Variants in CACNA1F observed in about 807,000 individuals in gnomAD.
The protein encoded by CACNA1F is calcium voltage-gated channel subunit alpha1 F.
CACNA1F carries 59 observed loss-of-function variants against 143.8 expected under a neutral mutation model. The observed-to-expected ratio is 0.41, with a 90% CI of 0.33 to 0.51. CACNA1F has a LOEUF of 0.51. CACNA1F is among the 20% of genes least tolerant of loss of function. CACNA1F has a pLI of 0.22. For missense variants in CACNA1F, 1,411 were observed against 1,647.5 expected, an observed-to-expected ratio of 0.86 and a Z score of 2.48; for synonymous variants, 643 against 649.1, an observed-to-expected ratio of 0.99 and a Z score of 0.14.
chrX:49,231,648 C>A, intron 2 of CACNA1F, 30 bp downstream of exon 2: 1 of 1,209,727 alleles, frequency 8.3e-7, no homozygotes, highest in Non-Finnish European at 1.1e-6. Flanking sequence ...GACCCTTACC[C>A]CTGGGCCCTG....
intron 43 of CACNA1F, among the ~76,000 whole-genome samples, chrX:49,208,090 C>T (rs916807572): frequency 2.8e-5 from 3 of 105,794 alleles, no homozygotes; most frequent in African/African-American, 7.0e-5. Context: ...CCCAGCTACT[C>T]GGGAGGCTCA....
Position 49,226,402 on chromosome X carries a change from C to A in CACNA1F, c.1463+7G>T, listed in dbSNP as rs781783069. 4 of 1,176,987 alleles carry A rather than the reference C, an allele frequency of 3.4e-6. No individual in the cohort carries two copies. The highest frequency in any genetic ancestry group is 1.8e-5 in the African/African-American group (1 of 56,451). ...TCTGGGCTGGGTCAGGGGCTGGGGG[C>A]CCTCACAGGCAGCGTGTACAGCTGG... On this transcript the variant is annotated splice_region_variant and intron_variant, in intron 11 of 47. Coordinates refer to ENST00000323022, the MANE Select transcript of CACNA1F (RefSeq NM_001256789.3).
At chrX:49,216,684 G>A (rs782533272) in intron 26 of CACNA1F, among the ~76,000 whole-genome samples, 156 bp from the exon 27 acceptor site, 1 of 111,563 alleles carries the variant, frequency 9.0e-6, no homozygotes, top group Non-Finnish European at 1.9e-5. Flanking sequence ...GTGACCTTGC[G>A]CATTTACCCT....
intron 33 of CACNA1F, 105 bp downstream of exon 33, chrX:49,212,562 G>A: frequency 1.1e-6 from 1 of 875,081 alleles, no homozygotes; most frequent in Non-Finnish European, 1.6e-6. Flanking sequence ...ATTTGGAAAT[G>A]GGTATGGCAT....
At chrX:49,208,250 A>G (rs1557105366) in intron 43 of CACNA1F, among the ~76,000 whole-genome samples, 2 of 109,835 alleles carry the variant, frequency 1.8e-5, no homozygotes, top group Admixed American at 9.7e-5. Context: ...AGCAAATGGC[A>G]GAGGCAGAAT....
rs1557107389 is a variant in CACNA1F at position 49,216,390 on chromosome X, G to A, written c.3228C>T (p.Gly1076=). 8.3e-7 allele frequency: 1 copy of A among 1,210,842 alleles called. No homozygotes were observed. Among genetic ancestry groups the A allele is most frequent in the East Asian group, 3.0e-5 (1 of 33,858 alleles). The stretch of plus-strand genomic sequence containing the variant: ...AGGGCCCTGTCCCTCACGCAGGCCA[G>A]CCTTCAAAGGTGGAGACAGTGAACA... ...MALFTVSTFE[G]WPALLYKAID... The change falls in exon 27 of 48, where the codon GGC becomes GGT. Residue 1076 remains glycine, a synonymous_variant. Transcript: ENST00000323022.
chrX:49,209,414 G>T (rs782224903), intron 41 of CACNA1F, 21 bp from the exon 42 acceptor site: 1 of 1,207,049 alleles, frequency 8.3e-7, no homozygotes, highest in Non-Finnish European at 1.1e-6. Context: ...GGAGAAATAG[G>T]TAAGCAGGCA....
At chrX:49,218,097 G>T in intron 24 of CACNA1F, 92 bp from the exon 25 acceptor site, 1 of 639,270 alleles carries the variant, frequency 1.6e-6, no homozygotes, top group Non-Finnish European at 2.5e-6. Context: ...TGAGGGACTT[G>T]GGCTGGGGAC....
intron 31 of CACNA1F, 41 bp downstream of exon 31, chrX:49,213,778 G>A (rs2065681130): frequency 2.1e-6 from 2 of 963,388 alleles, no homozygotes; most frequent in Admixed American, 2.2e-5. Flanking sequence ...GAGGGAAGGT[G>A]TATAGGGCGA....
chrX:49,209,105 G>A, intron 42 of CACNA1F, 157 bp downstream of exon 42: 2 of 613,313 alleles, frequency 3.3e-6, no homozygotes, highest in Non-Finnish European at 5.2e-6. Flanking sequence ...GGGATTATAG[G>A]CATGAGCCAC....
intron 33 of CACNA1F, 56 bp from the exon 34 acceptor site, chrX:49,212,364 T>TTTA: frequency 5.2e-6 from 5 of 970,087 alleles, no homozygotes; most frequent in Non-Finnish European, 7.4e-6. Context: ...GGCAAAGAAC[T>TTTA]ATAAGCCCCA....
In CACNA1F at chrX:49,219,392, C is replaced by A. The variant is rs1557108278; in HGVS notation, c.2602G>T (p.Val868Leu). The part of the protein sequence containing the change: ...HHHVFTNLIL[V>L]FIILSSVSLA... ...GACACACTGCTGAGGATGATGAACA[C>A]CAGGATAAGATTGGTGAAGACATGA... is the stretch of plus-strand genomic sequence containing the variant. Residue 868 changes from valine to leucine, a missense_variant, in exon 21 of 48, where the codon GTG becomes TTG. Val to Leu is a conservative substitution (Grantham distance 32). Transcript: ENST00000323022. 8.3e-7 allele frequency: 1 copy of A among 1,208,962 alleles called. No individual in the cohort carries two copies. Among genetic ancestry groups the A allele is most frequent in the Non-Finnish European group, 1.1e-6 (1 of 894,002 alleles).
At position 49,217,970 on chromosome X, in the gene CACNA1F, G is replaced by C; in HGVS notation, c.2964C>G (p.Thr988=). 1 of 1,210,282 alleles carries C rather than the reference G, an allele frequency of 8.3e-7. No homozygotes were observed. Among genetic ancestry groups the C allele is most frequent in the African/African-American group, 1.7e-5 (1 of 57,667 alleles). ...TGGTGACAATCATGATGTTTCCGAT[G>C]GTCCGGATGGCCACAAATACACACT... is the stretch of plus-strand genomic sequence containing the variant. ...VVQCVFVAIR[T]IGNIMIVTTL... The change falls in exon 25 of 48, where the codon ACC becomes ACG. Residue 988 remains threonine, a synonymous_variant. Transcript: ENST00000323022.
At chrX:49,231,025 A>C in intron 3 of CACNA1F, 36 bp from the exon 4 acceptor site, 1 of 1,036,672 alleles carries the variant, frequency 9.6e-7, no homozygotes, top group Non-Finnish European at 1.3e-6. Context: ...CGGGAAGTCG[A>C]GGAGTTATTT....
intron 8 of CACNA1F, among the ~76,000 whole-genome samples, 160 bp from the exon 9 acceptor site, chrX:49,227,287 T>C (rs182667549): frequency 8.9e-6 from 1 of 111,767 alleles, no homozygotes; most frequent in Non-Finnish European, 1.9e-5. Flanking sequence ...GGAATGCTTT[T>C]CCCTCAGATA....
At position 49,215,149 on chromosome X, in the gene CACNA1F, A is replaced by G. The variant is rs782717264; in HGVS notation, c.3534T>C (p.Ser1178=). 8.3e-7 allele frequency: 1 copy of G among 1,210,034 alleles called. No homozygotes were observed. Among genetic ancestry groups the G allele is most frequent in the Non-Finnish European group, 1.1e-6 (1 of 893,926 alleles). The change falls in exon 29 of 48, where the codon TCT becomes TCC. Residue 1178 remains serine, a synonymous_variant. Coordinates refer to ENST00000323022, the MANE Select transcript of CACNA1F (RefSeq NM_001256789.3). The stretch of plus-strand genomic sequence containing the variant: ...GGAACATCAGGTACTCAAAGGCAGC[A>G]GAGTTCACAGTGGCCCACACACGAT... ...HQYRVWATVN[S]AAFEYLMFLL...
At position 49,232,909 on chromosome X, in the gene CACNA1F, G is replaced by A. The variant is rs1182031570; in HGVS notation, c.25+376C>T. Among the ~76,000 whole-genome samples the A allele has an allele frequency of 2.7e-5, 3 of 109,686 alleles. No individual in the cohort carries two copies. In the East Asian group the frequency reaches 8.5e-4, roughly 31 times the overall value. ...TTGACATCCCGGGGTTGAGGTTGAG[G>A]TTAGGTCACTTTAGGTCTGTATCTG... On this transcript the variant is annotated intron_variant, in intron 1 of 47. Transcript: ENST00000323022.
At chrX:49,226,128 C>T in intron 12 of CACNA1F, 59 bp from the exon 13 acceptor site, 1 of 1,134,772 alleles carries the variant, frequency 8.8e-7, no homozygotes, top group Non-Finnish European at 1.2e-6. Flanking sequence ...CTGGGGGGCT[C>T]AGGTGGGGGA....
At chrX:49,208,428 C>A in intron 43 of CACNA1F, 87 bp downstream of exon 43, 1 of 560,687 alleles carries the variant, frequency 1.8e-6, no homozygotes. Context: ...CTCCCACCCC[C>A]CTCAACTTCC....
Sources: gnomAD v4.1 joint callset for allele counts (sites outside exome capture counted in the v4.1 genomes callset) on GRCh38, gnomAD v4.1.1 for gene constraint, MANE v1.5 for transcripts, NCBI Gene and HGNC (gene_info 2026-07-23, HGNC 2026-07-21) for gene names.